RELN: variants seen among roughly 807,000 people sequenced by gnomAD.
RELN encodes reelin.
In RELN, 108 loss-of-function variants were observed where a neutral mutation model predicts 427.6. The observed-to-expected ratio is 0.25, with a 90% CI of 0.22 to 0.30. The LOEUF (loss-of-function observed/expected upper bound fraction) is 0.30, where lower values mean the gene tolerates loss of function less well. Ranked by LOEUF, RELN falls within the 10% of genes least tolerant of loss-of-function variation. The probability of loss-of-function intolerance (pLI) is 1.00; values close to 1 mark genes in which losing one functional copy is unlikely to be tolerated. For synonymous variants in RELN, 1,524 were observed against 1,513.4 expected (o/e 1.01, Z -0.16); for missense variants, 3,715 against 4,302.8 (o/e 0.86, Z 3.82).
At chr7:103,526,926 T>C (rs529848075) in intron 46 of RELN, among the ~76,000 whole-genome samples, 15 of 152,286 alleles carry the variant, frequency 9.8e-5, no homozygotes, top group African/African-American at 3.6e-4. Context: ...AGAGAAGATT[T>C]CTCATTTTTC....
chr7:103,554,226 T>A (rs557203487), intron 38 of RELN, among the ~76,000 whole-genome samples: 1 of 143,648 alleles, frequency 7.0e-6, no homozygotes, highest in South Asian at 2.3e-4. Context: ...CAAACCCATA[T>A]ACTTTCTGGG....
intron 2 of RELN, among the ~76,000 whole-genome samples, chr7:103,914,041 G>C (rs1314321425): frequency 6.6e-6 from 1 of 152,190 alleles, no homozygotes; most frequent in Non-Finnish European, 1.5e-5. Context: ...TTGCCTGTGA[G>C]AGGAAGGCTA....
intron 1 of RELN, among the ~76,000 whole-genome samples, chr7:103,950,129 T>C (rs1373546620): frequency 6.6e-6 from 1 of 152,188 alleles, no homozygotes; most frequent in African/African-American, 2.4e-5. Context: ...TGTCCTAACA[T>C]GATGGAAGGG....
intron 16 of RELN, among the ~76,000 whole-genome samples, chr7:103,641,319 T>G (rs1832689542): frequency 6.6e-6 from 1 of 152,236 alleles, no homozygotes; most frequent in African/African-American, 2.4e-5. Flanking sequence ...GTTGTCATTT[T>G]CTTCTCTGTC....
At chr7:103,562,411 A>G (rs185790217) in intron 34 of RELN, among the ~76,000 whole-genome samples, 2 of 152,334 alleles carry the variant, frequency 1.3e-5, no homozygotes. Context: ...TTCTGAGAGT[A>G]AATGGAAGCC....
chr7:103,520,957 A>ATTTTTTTTTTTTTTTTT (rs55830035), intron 48 of RELN, among the ~76,000 whole-genome samples: 2 of 79,186 alleles, frequency 2.5e-5, no homozygotes, highest in East Asian at 3.8e-4. Context: ...TAAATTTGTT[A>ATTTTTTTTTTTTTTTTT]TTTTTTTTTT....
At chr7:103,520,961 T>G (rs903423811) in intron 48 of RELN, among the ~76,000 whole-genome samples, 1 of 98,206 alleles carries the variant, frequency 1.0e-5, no homozygotes, top group Non-Finnish European at 2.1e-5. Context: ...TTTGTTATTT[T>G]TTTTTTTTTT....
At position 103,542,783 on chromosome 7, in the gene RELN, C is replaced by T. The variant is rs1366430556; in HGVS notation, c.6619G>A (p.Glu2207Lys). 6.2e-7 allele frequency: 1 copy of T among 1,614,096 alleles called. No homozygotes were observed. ...GTCATCAACATGCGCAAGCCATCTT[C>T]ATTGAAAAAGAGGTTGTTTCCACTA... ...LSSGNNLFFN[E>K]DGLRMLMTRD... Residue 2207 changes from glutamate to lysine, a missense_variant, in exon 43 of 65, where the codon GAA becomes AAA. This residue lies in a region of RELN where 1,310 missense variants were observed against 1,643.0 expected (regional missense o/e 0.80). Transcript: ENST00000428762.
chr7:103,572,531 C>A (rs1202580317), intron 30 of RELN, among the ~76,000 whole-genome samples: 1 of 151,786 alleles, frequency 6.6e-6, no homozygotes, highest in Non-Finnish European at 1.5e-5. Flanking sequence ...TTGTGACAGT[C>A]TGTTATAATT....
intron 6 of RELN, among the ~76,000 whole-genome samples, chr7:103,734,737 G>A (rs954327793): frequency 3.3e-5 from 5 of 152,104 alleles, no homozygotes; most frequent in East Asian, 3.9e-4. Flanking sequence ...TATTGTTTGC[G>A]TTCTGCCTAA....
intron 27 of RELN, 41 bp from the exon 28 acceptor site, chr7:103,589,869 C>G: frequency 1.5e-6 from 2 of 1,305,724 alleles, no homozygotes; most frequent in Non-Finnish European, 2.2e-6. Context: ...GATTTTGGTT[C>G]TAAGTCATCA....
In RELN at chr7:103,600,985, A is replaced by C. The variant is rs1375583775; in HGVS notation, c.3333+2319T>G. Among the ~76,000 whole-genome samples, 5 of 152,218 alleles carry C rather than the reference A, an allele frequency of 3.3e-5. No individual in the cohort carries two copies. In the South Asian group the frequency reaches 8.3e-4, roughly 25 times the overall value. On this transcript the variant is annotated intron_variant, in intron 24 of 64. Transcript: ENST00000428762. ...TTTTCAGTCAAGAAACCTGAGATACAGACAGTTGTTATAACTTTGCAATGT... is the reference window on the plus strand; with the variant it reads ...TTTTCAGTCAAGAAACCTGAGATACCGACAGTTGTTATAACTTTGCAATGT...
At chr7:103,649,340 T>C (rs1832863932) in intron 16 of RELN, among the ~76,000 whole-genome samples, 1 of 152,092 alleles carries the variant, frequency 6.6e-6, no homozygotes, top group African/African-American at 2.4e-5. Context: ...TAGAAAGTTG[T>C]AGACCACATG....
chr7:103,604,858 C>G (rs1411967410), intron 22 of RELN, among the ~76,000 whole-genome samples: 1 of 139,530 alleles, frequency 7.2e-6, no homozygotes, highest in African/African-American at 2.7e-5. Flanking sequence ...GAGACAGAGT[C>G]TCACTCTGTT....
chr7:103,781,121 C>G (rs941845687), intron 3 of RELN, among the ~76,000 whole-genome samples: 3 of 152,162 alleles, frequency 2.0e-5, no homozygotes, highest in Admixed American at 6.5e-5. Context: ...ATATTGGCAT[C>G]TTATCTTGGG....
chr7:103,697,180 TG>T (rs914527081), intron 10 of RELN, among the ~76,000 whole-genome samples: 2 of 152,156 alleles, frequency 1.3e-5, no homozygotes, highest in African/African-American at 4.8e-5. Flanking sequence ...ATGTGCTCTC[TG>T]GGGTGTCTGT....
intron 51 of RELN, among the ~76,000 whole-genome samples, chr7:103,505,499 A>G (rs1024441754): frequency 3.3e-5 from 5 of 152,192 alleles, no homozygotes; most frequent in African/African-American, 9.7e-5. Context: ...AAGGAAAACT[A>G]ACAAACAGAA....
In RELN at chr7:103,723,155, G is replaced by T; in HGVS notation, c.790C>A (p.Leu264Ile). 1 of 1,596,952 alleles carries T rather than the reference G, an allele frequency of 6.3e-7. No individual in the cohort carries two copies. The highest frequency in any genetic ancestry group is 1.1e-5 in the South Asian group (1 of 90,668). ...TGLNTTTASV[L>I]QFSIGSGSCR... The stretch of plus-strand genomic sequence containing the variant: ...AAACACTTACCAATGGAAAATTGGA[G>T]GACAGAAGCTGTTGTTGTATTAAGG... Residue 264 changes from leucine to isoleucine, a missense_variant, in exon 8 of 65, where the codon CTC (leucine) becomes ATC (isoleucine). Around this residue, in one of 4 missense-constraint regions of RELN, gnomAD observed 2,208 missense variants for 2,361.7 expected, o/e 0.93. Coordinates refer to ENST00000428762, the MANE Select transcript of RELN (RefSeq NM_005045.4).
At chr7:103,749,643 C>A (rs1030831362) in intron 5 of RELN, 139 bp from the exon 6 acceptor site, 1 of 692,578 alleles carries the variant, frequency 1.4e-6, no homozygotes. Flanking sequence ...ATTATATTTG[C>A]TTTGTCCCTC....
Sources: allele counts gnomAD v4.1 joint callset (sites outside exome capture counted in the v4.1 genomes callset), GRCh38; gene constraint gnomAD v4.1.1; regional missense constraint gnomAD v4.1.1; transcripts MANE v1.5; gene names NCBI Gene and HGNC (gene_info 2026-07-23, HGNC 2026-07-21).